Variants in MAST3 observed in about 807,000 individuals in gnomAD.
MAST3 encodes microtubule associated serine/threonine kinase 3, also known as microtubule-associated serine/threonine-protein kinase 3.
In MAST3, 43 loss-of-function variants were observed where a neutral mutation model predicts 127.0. That is an observed-to-expected ratio of 0.34 (90% CI 0.27 to 0.44). The LOEUF is 0.44. Ranked by LOEUF, MAST3 falls within the 20% of genes least tolerant of loss-of-function variation. The pLI, the probability that MAST3 is intolerant of heterozygous loss-of-function variation, is 1.00. For missense variants in MAST3, 1,390 were observed against 1,919.1 expected, an observed-to-expected ratio of 0.72 and a Z score of 5.15; for synonymous variants, 785 against 809.2, an observed-to-expected ratio of 0.97 and a Z score of 0.51.
At position 18,119,892 on chromosome 19, in the gene MAST3, G is replaced by A. The variant is rs555347089; in HGVS notation, c.162-1793G>A. The stretch of plus-strand genomic sequence containing the variant: ...CCCATTTCTGCACCTCGGAGGCCCC[G>A]AGACTTCATCTCTCCCTCCCCGCGA... On this transcript the variant is annotated intron_variant, in intron 3 of 27. Transcript: ENST00000687212. Among the ~76,000 whole-genome samples, 433 of 152,342 alleles carry A rather than the reference G, an allele frequency of 2.8e-3. 2 individuals are homozygous for A. The highest frequency in any genetic ancestry group is 0.024 in the Middle Eastern group (7 of 294).
intron 19 of MAST3, among the ~76,000 whole-genome samples, chr19:18,138,320 GTTTT>G (rs66532271): frequency 7.0e-6 from 1 of 142,248 alleles, no homozygotes. Context: ...CCCACAACCT[GTTTT>G]TTTTTTTTTT....
chr19:18,121,649 G>A (rs2039992417), intron 3 of MAST3, 36 bp from the exon 4 acceptor site: 3 of 1,587,398 alleles, frequency 1.9e-6, no homozygotes, highest in Non-Finnish European at 2.6e-6. Context: ...CGGGGCCCTG[G>A]GCAGCCACCT....
intron 20 of MAST3, among the ~76,000 whole-genome samples, chr19:18,140,462 C>T (rs1355943405): frequency 6.6e-6 from 1 of 152,202 alleles, no homozygotes; most frequent in Non-Finnish European, 1.5e-5. Context: ...CTCTATCTAG[C>T]TCTCAAATGT....
chr19:18,144,553 G>C lies in MAST3; in HGVS notation c.2672G>C (p.Arg891Pro). ...ACACCAAGGCCTCTGGATGCCGGCC[G>C]GGGCCGCCGCCTTGGGGGCCCAAGA... Reference protein sequence around the residue: ...HSTPRPLDAGRGRRLGGPRDP... With the variant: ...HSTPRPLDAGPGRRLGGPRDP... Residue 891 changes from arginine to proline, a missense_variant, in exon 23 of 28, where the codon CGG becomes CCG. Arg to Pro is a moderately radical substitution (Grantham distance 103). Transcript: ENST00000687212. The surrounding 1 kb of genome is among the most constrained non-coding windows in gnomAD (Gnocchi z 4.0). 6.2e-7 allele frequency: 1 copy of C among 1,609,506 alleles called. No homozygotes were observed. Among genetic ancestry groups the C allele is most frequent in the Non-Finnish European group, 8.5e-7 (1 of 1,178,720 alleles).
intron 1 of MAST3, among the ~76,000 whole-genome samples, chr19:18,104,496 G>T (rs2037908779): frequency 6.6e-6 from 1 of 152,070 alleles, no homozygotes; most frequent in Non-Finnish European, 1.5e-5. Flanking sequence ...CTCCCAGCTG[G>T]GTCATCCGGC....
chr19:18,124,407 A>G (rs2040351270), intron 10 of MAST3, 41 bp downstream of exon 10: 7 of 1,537,182 alleles, frequency 4.6e-6, no homozygotes, highest in Non-Finnish European at 6.2e-6. Context: ...GTCCAGGCAG[A>G]ACTGAGATTG....
chr19:18,122,465 T>A (rs2040110844), intron 5 of MAST3, among the ~76,000 whole-genome samples: 1 of 96,212 alleles, frequency 1.0e-5, no homozygotes, highest in Admixed American at 9.5e-5. Flanking sequence ...CAGTGGCAGC[T>A]GGACTCACGG....
At chr19:18,119,638 G>T (rs769851254) in intron 3 of MAST3, among the ~76,000 whole-genome samples, 6 of 152,182 alleles carry the variant, frequency 3.9e-5, no homozygotes, top group Non-Finnish European at 8.8e-5. Context: ...GCATTGTCTA[G>T]GCAAAGACAA....
chr19:18,104,162 A>G (rs945377286), intron 1 of MAST3, among the ~76,000 whole-genome samples: 2 of 124,742 alleles, frequency 1.6e-5, no homozygotes, highest in African/African-American at 3.0e-5. Context: ...TCTGGGCGAC[A>G]TAGCCAGACG....
rs372734106 is a variant in MAST3 at position 18,147,440 on chromosome 19, C to T, written c.3327-3C>T. 2.5e-6 allele frequency: 4 copies of T among 1,613,038 alleles called. No individual in the cohort carries two copies. Among genetic ancestry groups the T allele is most frequent in the Non-Finnish European group, 8.5e-7 (1 of 1,179,556 alleles). On this transcript the variant is annotated splice_polypyrimidine_tract_variant and splice_region_variant and intron_variant, in intron 26 of 27. Coordinates refer to ENST00000687212, the MANE Select transcript of MAST3 (RefSeq NM_001393504.1). The stretch of plus-strand genomic sequence containing the variant: ...TCTGAAGCCTCCGGTTTTCTTACCC[C>T]AGGCGGAAGTCACTTTTCAAGAAGA...
At chr19:18,133,423 G>A (rs62123602) in intron 15 of MAST3, among the ~76,000 whole-genome samples, 16,687 of 151,988 alleles carry the variant, frequency 0.11, 1,160 homozygotes, top group Admixed American at 0.15. Context: ...TTTGTCGCCC[G>A]GGCTGGAGTA....
Position 18,149,318 on chromosome 19 carries a change from G to A in MAST3, c.3636G>A (p.Lys1212=). Residue 1212 remains lysine (K), a synonymous_variant, in exon 28 of 28, where the codon AAG becomes AAA. Transcript: ENST00000687212. The surrounding 1 kb of genome is among the most constrained non-coding windows in gnomAD (Gnocchi z 5.9). The part of the protein sequence containing the change: ...LAAKLGPPRP[K]TGRRKSTSSI... ...CCAAGCTTGGGCCACCCCGCCCCAAGACTGGCCGCCGCAAGTCCACCAGCA... is the reference window on the plus strand; with the variant it reads ...CCAAGCTTGGGCCACCCCGCCCCAAAACTGGCCGCCGCAAGTCCACCAGCA... 1 of 1,528,326 alleles carries A rather than the reference G, an allele frequency of 6.5e-7. No individual in the cohort carries two copies. The highest frequency in any genetic ancestry group is 8.8e-7 in the Non-Finnish European group (1 of 1,139,476). 94.7% of individuals were successfully genotyped at this position (1,528,326 alleles called of 1,614,324 possible).
chr19:18,102,037 C>T (rs1192596831), intron 1 of MAST3, among the ~76,000 whole-genome samples: 21 of 152,024 alleles, frequency 1.4e-4, no homozygotes, highest in Middle Eastern at 3.4e-3. Context: ...CCTGCCACCA[C>T]ACCCGGCTAA....
intron 20 of MAST3, among the ~76,000 whole-genome samples, chr19:18,139,418 A>G (rs1370468423): frequency 6.6e-6 from 1 of 151,952 alleles, no homozygotes; most frequent in Non-Finnish European, 1.5e-5. Flanking sequence ...TCTGCCTTCC[A>G]GGTTCAAGCG....
In MAST3 at chr19:18,143,934, C is replaced by A; in HGVS notation, c.2511C>A (p.Pro837=). Residue 837 remains proline (P), a synonymous_variant, in exon 22 of 28, where the codon CCC becomes CCA. Coordinates refer to ENST00000687212, the MANE Select transcript of MAST3 (RefSeq NM_001393504.1). ...CAGGCCCTGCAGGCCCCAAGAGGCC[C>A]GTCTTCATTCTAGGGGAGCCTGACC... ...VGPGPAGPKR[P]VFILGEPDPP... is the part of the protein sequence containing the mutation. 1 of 1,611,478 alleles carries A rather than the reference C, an allele frequency of 6.2e-7. No homozygotes were observed.
At position 18,137,381 on chromosome 19, in the gene MAST3, G is replaced by A. The variant is rs1447736210; in HGVS notation, c.2095+20G>A. ...TTGACAGTAAGGAGGGATCCCCCTGGAGGGGGGGCGGGGGGTGCTCTGCCA... is the reference window on the plus strand; with the variant it reads ...TTGACAGTAAGGAGGGATCCCCCTGAAGGGGGGGCGGGGGGTGCTCTGCCA... On this transcript the variant is annotated intron_variant, in intron 19 of 27. Transcript: ENST00000687212. 1 of 1,608,342 alleles carries A rather than the reference G, an allele frequency of 6.2e-7. No individual in the cohort carries two copies. The highest frequency in any genetic ancestry group is 1.3e-5 in the African/African-American group (1 of 74,868).
intron 5 of MAST3, 81 bp from the exon 6 acceptor site, chr19:18,122,592 C>A (rs1355776302): frequency 2.5e-6 from 3 of 1,206,916 alleles, no homozygotes; most frequent in East Asian, 5.0e-5. Context: ...CCAGAATATG[C>A]TGGCCACAGT....
chr19:18,127,487 C>T (rs866618730), intron 11 of MAST3, among the ~76,000 whole-genome samples: 6 of 152,024 alleles, frequency 3.9e-5, no homozygotes, highest in African/African-American at 1.5e-4. Flanking sequence ...AGTTCAAGAC[C>T]AGCCTGGCCA....
intron 1 of MAST3, among the ~76,000 whole-genome samples, chr19:18,102,179 C>CACCTTT (rs2037690255): frequency 6.9e-6 from 1 of 144,580 alleles, no homozygotes. Flanking sequence ...TGCGCCTGGC[C>CACCTTT]TTTTTTTTTT....
Sources: allele counts gnomAD v4.1 joint callset (sites outside exome capture counted in the v4.1 genomes callset), GRCh38; gene constraint gnomAD v4.1.1; non-coding constraint Gnocchi (gnomAD v3.1); transcripts MANE v1.5; gene names NCBI Gene and HGNC (gene_info 2026-07-23, HGNC 2026-07-21).